The following KIF7 variants were observed in gnomAD, a reference collection of about 807,000 sequenced individuals.
KIF7 encodes kinesin family member 7.
Under a neutral mutation model 135.7 loss-of-function variants are expected in KIF7, and 104 were observed. The ratio of observed to expected loss-of-function variants is 0.77; its 90% CI spans 0.65 to 0.90. The LOEUF (loss-of-function observed/expected upper bound fraction) is 0.90, where lower values mean the gene tolerates loss of function less well. Ranked by LOEUF, KIF7 falls within the 40% of genes least tolerant of loss-of-function variation. The probability of loss-of-function intolerance (pLI) is 0.00; values close to 1 mark genes in which losing one functional copy is unlikely to be tolerated. For synonymous variants in KIF7, 883 were observed against 809.4 expected, an observed-to-expected ratio of 1.09 and a Z score of -1.54; for missense variants, 2,005 against 1,839.1, an observed-to-expected ratio of 1.09 and a Z score of -1.65.
chr15:89,647,843 C>G (rs1197023679), intron 5 of KIF7, 131 bp from the exon 6 acceptor site: 1 of 779,222 alleles, frequency 1.3e-6, no homozygotes, highest in Non-Finnish European at 2.0e-6. Flanking sequence ...TCCAGACCCA[C>G]TGGTGGGAGG....
At chr15:89,620,263 C>G (rs1963403170) in intron 1 of KIF7, among the ~76,000 whole-genome samples, 1 of 152,190 alleles carries the variant, frequency 6.6e-6, no homozygotes, top group African/African-American at 2.4e-5. Flanking sequence ...GGCTGGAGTG[C>G]AGTGGCACGA....
At position 89,646,949 on chromosome 15, in the gene KIF7, C is replaced by G; in HGVS notation, c.1669G>C (p.Gly557Arg). ...GPRLLNGLPP[G>R]SFVPRPHTAP... ...GTATGAGGTCGAGGCACAAAGGACC[C>G]GGGAGGCAGGCCATTCAGGAGCCGC... The change falls in exon 7 of 19, where the codon GGG (glycine) becomes CGG (arginine). Residue 557 changes from glycine (G) to arginine (R), a missense_variant. Transcript: ENST00000394412. The G allele has an allele frequency of 6.2e-7, 1 of 1,613,776 alleles. No homozygotes were observed. The highest frequency in any genetic ancestry group is 8.5e-7 in the Non-Finnish European group (1 of 1,179,902).
rs779122875 is a variant in KIF7, at chr15:89,633,204, C to T, written c.2655G>A (p.Ala885=). 5.1e-5 allele frequency: 81 copies of T among 1,601,040 alleles called. No homozygotes were observed. Among genetic ancestry groups the T allele is most frequent in the Non-Finnish European group, 6.0e-5 (71 of 1,176,698 alleles). The change falls in exon 13 of 19, where the codon GCG becomes GCA. Residue 885 remains alanine (A), a synonymous_variant. Coordinates refer to ENST00000394412, the MANE Select transcript of KIF7 (RefSeq NM_198525.3). ...CACTGCGCCTCTTCCTCTGGAATGC[C>T]GCGATCTCTTCCGTCTTAATCTTCA... is the stretch of plus-strand genomic sequence containing the variant. ...KILKIKTEEI[A]AFQRKRRSGS...
chr15:89,623,775 G>A (rs200586089), downstream of KIF7: 2 of 1,613,924 alleles, frequency 1.2e-6, no homozygotes, highest in Non-Finnish European at 1.7e-6. Context: ...CTTTTAAGGA[G>A]TCCTTAAAAG....
chr15:89,621,006 C>T (rs960325332), intron 1 of KIF7, among the ~76,000 whole-genome samples: 2 of 150,662 alleles, frequency 1.3e-5, no homozygotes, highest in African/African-American at 4.9e-5. Flanking sequence ...CAGGCGTGAG[C>T]CACTGCGCCC....
intron 11 of KIF7, among the ~76,000 whole-genome samples, chr15:89,635,034 G>A (rs1449857200): frequency 6.6e-6 from 1 of 152,192 alleles, no homozygotes; most frequent in Non-Finnish European, 1.5e-5. Context: ...CCTCCGAGCA[G>A]CCTAACTGGG....
At chr15:89,630,676 G>C in intron 15 of KIF7, 183 bp from the exon 16 acceptor site, 1 of 658,052 alleles carries the variant, frequency 1.5e-6, no homozygotes, top group African/African-American at 1.8e-5. Context: ...ACCCCAGGGT[G>C]AGCTGGGGGC....
chr15:89,632,271 C>T (rs1304941388), intron 14 of KIF7, among the ~76,000 whole-genome samples: 1 of 152,202 alleles, frequency 6.6e-6, no homozygotes, highest in Non-Finnish European at 1.5e-5. Context: ...CCATCCCCCT[C>T]CAGCCATCAT....
chr15:89,624,849 T>C, downstream of KIF7: 1 of 1,614,046 alleles, frequency 6.2e-7, no homozygotes, highest in Non-Finnish European at 8.5e-7. Context: ...CTCCTTCCTG[T>C]GGGCCTGGCT....
At chr15:89,643,861 G>C (rs2142019535) in intron 10 of KIF7, among the ~76,000 whole-genome samples, 2 of 147,494 alleles carry the variant, frequency 1.4e-5, no homozygotes, top group South Asian at 4.4e-4. Context: ...CTCCAGCTTG[G>C]CAACAGAGTG....
intron 1 of KIF7, chr15:89,618,201 A>G (rs1464885166): frequency 3.7e-6 from 6 of 1,614,136 alleles, no homozygotes; most frequent in South Asian, 1.1e-5. Flanking sequence ...GTCCCCTGAA[A>G]AAGGAGATGG....
chr15:89,635,959 A>G (rs537210966), intron 11 of KIF7, among the ~76,000 whole-genome samples: 10 of 152,300 alleles, frequency 6.6e-5, no homozygotes, highest in Admixed American at 5.2e-4. Context: ...AGGGAAGCCC[A>G]TCAGACTAAC....
At chr15:89,655,959 A>G (rs1362937799), upstream of KIF7, among the ~76,000 whole-genome samples, 5 of 152,186 alleles carry the variant, frequency 3.3e-5, 1 homozygote, top group Admixed American at 2.0e-4. Flanking sequence ...GGCAGCCTCA[A>G]AGAGATGGTT....
At chr15:89,624,002 C>T, downstream of KIF7, 3 of 1,613,738 alleles carry the variant, frequency 1.9e-6, no homozygotes, top group Non-Finnish European at 2.5e-6. Flanking sequence ...CCTCCAACTT[C>T]ATCGACTGCC....
downstream of KIF7, chr15:89,623,887 C>A (rs764560006): frequency 4.3e-5 from 70 of 1,613,894 alleles, 1 homozygote; most frequent in South Asian, 7.7e-4. Context: ...AACGAAGACA[C>A]CAAGAACTCC....
In KIF7 at chr15:89,649,799, G is replaced by T; in HGVS notation, c.471C>A (p.Leu157=). ...TGTCACGGCTGGCAGTGCCCACCTC[G>T]AGCAGGTCTCGGAACTCCTCCTTGT... ...EVYKEEFRDL[L]EVGTASRDIQ... Residue 157 remains leucine (L), a synonymous_variant, in exon 3 of 19, where the codon CTC becomes CTA. Coordinates refer to ENST00000394412, the MANE Select transcript of KIF7 (RefSeq NM_198525.3). 1 of 1,551,744 alleles carries T rather than the reference G, an allele frequency of 6.4e-7. No homozygotes were observed. Among genetic ancestry groups the T allele is most frequent in the Non-Finnish European group, 8.7e-7 (1 of 1,146,998 alleles).
chr15:89,621,982 C>CTTTTTT lies in KIF7; in HGVS notation c.181-3793_181-3788dup, dbSNP rs34123859. ...TGCCCATTTTATTTACAAACTGACT[C>CTTTTTT]TTTTTTTTTTTTTTTTTTTTTGGAG... On this transcript the variant is annotated intron_variant and NMD_transcript_variant, in intron 1 of 2. Transcript: ENST00000558928. 1.1e-3 allele frequency among the ~76,000 whole-genome samples: 98 copies of CTTTTTT among 87,708 alleles called. 1 individual carries two copies. Among genetic ancestry groups the CTTTTTT allele is most frequent in the Admixed American group, 2.2e-3 (16 of 7,410 alleles). The allele number at this position is 87,708 out of a possible 152,430, so 57.5% of individuals were successfully genotyped here. A position where few individuals can be genotyped will look rare whatever the true frequency, so the allele number is the denominator to read the frequency against.
downstream of KIF7, chr15:89,625,210 C>T (rs1187234072): frequency 4.3e-6 from 7 of 1,613,740 alleles, no homozygotes; most frequent in Non-Finnish European, 4.2e-6. Context: ...CCACAGCACA[C>T]CTGGCAAGAG....
intron 10 of KIF7, among the ~76,000 whole-genome samples, chr15:89,643,320 G>A (rs868279212): frequency 1.3e-5 from 2 of 152,210 alleles, no homozygotes; most frequent in Non-Finnish European, 2.9e-5. Context: ...CTTTTACATT[G>A]TATTAGGTAT....
Sources: allele counts gnomAD v4.1 joint callset (sites outside exome capture counted in the v4.1 genomes callset), GRCh38; gene constraint gnomAD v4.1.1; transcripts MANE v1.5; gene names NCBI Gene and HGNC (gene_info 2026-07-23, HGNC 2026-07-21).